ATF2: variants seen among roughly 807,000 people sequenced by gnomAD.
ATF2 encodes the protein cyclic AMP-dependent transcription factor ATF-2.
ATF2 carries 24 observed loss-of-function variants against 60.6 expected under a neutral mutation model. The ratio of observed to expected loss-of-function variants is 0.40; its 90% CI spans 0.29 to 0.56. The LOEUF is 0.56. Ranked by LOEUF, ATF2 falls within the 20% of genes least tolerant of loss-of-function variation. ATF2 has a pLI of 0.54. For missense variants in ATF2, 433 were observed against 607.7 expected, an observed-to-expected ratio of 0.71 and a Z score of 3.02; for synonymous variants, 206 against 215.4, an observed-to-expected ratio of 0.96 and a Z score of 0.38.
intron 12 of ATF2, among the ~76,000 whole-genome samples, chr2:175,086,316 T>C (rs900786220): frequency 3.9e-5 from 6 of 152,144 alleles, no homozygotes; most frequent in Non-Finnish European, 7.3e-5. Flanking sequence ...GAGACACAAT[T>C]ACTGGCTAGG....
At chr2:175,139,663 C>CAAA (rs201481065) in intron 2 of ATF2, among the ~76,000 whole-genome samples, 1 of 80,132 alleles carries the variant, frequency 1.2e-5, no homozygotes, top group South Asian at 4.0e-4. Flanking sequence ...GACTCCATCT[C>CAAA]AAAAAAAAAA....
intron 12 of ATF2, among the ~76,000 whole-genome samples, chr2:175,082,967 C>T (rs1172305489): frequency 6.6e-6 from 1 of 152,064 alleles, no homozygotes; most frequent in African/African-American, 2.4e-5. Context: ...TCAAGGAGAA[C>T]TACAAACCAC....
intron 2 of ATF2, among the ~76,000 whole-genome samples, chr2:175,143,492 T>C (rs1036174455): frequency 6.6e-6 from 1 of 152,138 alleles, no homozygotes; most frequent in Admixed American, 6.5e-5. Flanking sequence ...TGTAATAAAT[T>C]CCACAAGATG....
intron 2 of ATF2, among the ~76,000 whole-genome samples, chr2:175,145,642 G>C (rs1698897288): frequency 6.6e-6 from 1 of 152,142 alleles, no homozygotes; most frequent in Non-Finnish European, 1.5e-5. Context: ...CACCAAAAGG[G>C]ACCTCAGCTC....
intron 2 of ATF2, among the ~76,000 whole-genome samples, chr2:175,143,472 G>C (rs185126503): frequency 6.6e-6 from 1 of 151,924 alleles, no homozygotes; most frequent in African/African-American, 2.4e-5. Context: ...ACAAATCTTT[G>C]TGCAATATCT....
chr2:175,118,394 C>T (rs1435199246), intron 5 of ATF2, 25 bp from the exon 6 acceptor site: 2 of 1,563,376 alleles, frequency 1.3e-6, no homozygotes, highest in African/African-American at 1.4e-5. Context: ...AAGAAGTAAT[C>T]ATGCATATTT....
chr2:175,143,772 T>C (rs62184521), intron 2 of ATF2, among the ~76,000 whole-genome samples: 6,025 of 152,250 alleles, frequency 0.04, 142 homozygotes, highest in Admixed American at 0.094. Flanking sequence ...TGTAGTTCTA[T>C]GTAAAATGCC....
intron 10 of ATF2, among the ~76,000 whole-genome samples, chr2:175,103,657 T>C (rs1559068141): frequency 6.6e-6 from 1 of 151,160 alleles, no homozygotes; most frequent in Admixed American, 6.6e-5. Flanking sequence ...CAAAGATATT[T>C]CTCAGTTTGT....
At chr2:175,133,945 A>G (rs1414324276) in intron 3 of ATF2, among the ~76,000 whole-genome samples, 5 of 152,210 alleles carry the variant, frequency 3.3e-5, no homozygotes, top group East Asian at 1.9e-4. Context: ...GACAAAAATT[A>G]TACAGGTAAC....
intron 11 of ATF2, among the ~76,000 whole-genome samples, chr2:175,095,254 C>G (rs190218824): frequency 2.7e-4 from 41 of 152,022 alleles, no homozygotes; most frequent in African/African-American, 8.2e-4. Flanking sequence ...CCCACCACCA[C>G]ACCCAGCTTA....
chr2:175,128,229 G>A (rs978458026), intron 4 of ATF2, among the ~76,000 whole-genome samples: 53 of 152,168 alleles, frequency 3.5e-4, no homozygotes, highest in Middle Eastern at 3.2e-3. Context: ...GGCTGGGCGC[G>A]GTGGCTCACG....
rs190687550 is a variant in ATF2 at position 175,130,525 on chromosome 2, T to C, written c.33-318A>G. ...TCAAGAAAATTAAATGAGCAAATAC[T>C]ATGCAGTCTTCCAAGGATCCTACTG... On this transcript the variant is annotated intron_variant, in intron 3 of 13. Transcript: ENST00000264110. Among the ~76,000 whole-genome samples, 299 of 152,236 alleles carry C rather than the reference T, an allele frequency of 2.0e-3. 2 individuals are homozygous for C. The highest frequency in any genetic ancestry group is 1.9e-3 in the Admixed American group (29 of 15,288).
chr2:175,121,657 TTTTA>T lies in ATF2; in HGVS notation c.103-121_103-118del, dbSNP rs1311166743. The T allele has an allele frequency of 2.0e-5, 14 of 693,326 alleles. No homozygotes were observed. In the Middle Eastern group the frequency reaches 1.4e-3, roughly 69 times the overall value. 42.9% of individuals were successfully genotyped at this position (693,326 alleles called of 1,614,324 possible). On this transcript the variant is annotated intron_variant, in intron 4 of 13. Transcript: ENST00000264110. ...CCACCATTAACAGTGAAATAGCAGT[TTTTA>T]AACTATAAAAGAATCCGTTATTGTT... is the stretch of plus-strand genomic sequence containing the variant.
intron 13 of ATF2, 198 bp downstream of exon 13, chr2:175,080,462 G>C (rs917311757): frequency 2.8e-5 from 11 of 388,642 alleles, no homozygotes; most frequent in Non-Finnish European, 4.6e-5. Context: ...AAAAAAGCTA[G>C]AAACAGGAAA....
chr2:175,118,222 T>A (rs1696719798), intron 6 of ATF2, 29 bp downstream of exon 6: 3 of 1,592,328 alleles, frequency 1.9e-6, no homozygotes, highest in Non-Finnish European at 2.6e-6. Flanking sequence ...TCAGAAGTAC[T>A]CTTTTTAAAT....
intron 9 of ATF2, 37 bp downstream of exon 9, chr2:175,113,957 T>C (rs1220553892): frequency 6.5e-7 from 1 of 1,531,134 alleles, no homozygotes; most frequent in African/African-American, 1.4e-5. Flanking sequence ...CAAAGATCAG[T>C]TTTGCGATAG....
At chr2:175,117,696 T>C (rs1301336803) in intron 7 of ATF2, among the ~76,000 whole-genome samples, 1 of 152,004 alleles carries the variant, frequency 6.6e-6, no homozygotes, top group Non-Finnish European at 1.5e-5. Flanking sequence ...TGTATAAAAG[T>C]AGCTAAATAT....
chr2:175,094,385 C>CT (rs1191594362), intron 11 of ATF2, among the ~76,000 whole-genome samples: 2 of 113,314 alleles, frequency 1.8e-5, no homozygotes, highest in African/African-American at 6.6e-5. Flanking sequence ...TACAGCGAGA[C>CT]TCAGTCTCAA....
At chr2:175,120,839 A>G (rs1345988556) in intron 5 of ATF2, among the ~76,000 whole-genome samples, 1 of 151,796 alleles carries the variant, frequency 6.6e-6, no homozygotes, top group Non-Finnish European at 1.5e-5. Flanking sequence ...GCATGGAATG[A>G]CAATCAACCA....
Sources: gnomAD v4.1 joint callset for allele counts (sites outside exome capture counted in the v4.1 genomes callset) on GRCh38, gnomAD v4.1.1 for gene constraint, MANE v1.5 for transcripts, NCBI Gene and HGNC (gene_info 2026-07-23, HGNC 2026-07-21) for gene names.